The following NDE1 variants were observed in gnomAD, a reference collection of about 807,000 sequenced individuals.
The protein encoded by NDE1 is nudE neurodevelopment protein 1, also known as nuclear distribution protein nudE homolog 1.
NDE1 carries 28 observed loss-of-function variants against 43.4 expected under a neutral mutation model. The ratio of observed to expected loss-of-function variants is 0.65; its 90% CI spans 0.48 to 0.89. The LOEUF (loss-of-function observed/expected upper bound fraction) is 0.89, where lower values mean the gene tolerates loss of function less well. Ranked by LOEUF, NDE1 falls within the 40% of genes least tolerant of loss-of-function variation. The pLI is 0.00. For synonymous variants in NDE1, 184 were observed against 172.0 expected (o/e 1.07, Z -0.55); for missense variants, 441 against 434.1 (o/e 1.02, Z -0.14).
rs2038481495 is a variant in NDE1, at chr16:15,687,204, G to A, written c.387-171G>A. ...TGATGAGTCCCATTCTGCAGGTAAA[G>A]AGCCCATGCCCCAGAAGGTTAAGGG... is the stretch of plus-strand genomic sequence containing the variant. On this transcript the variant is annotated intron_variant, in intron 4 of 8. Coordinates refer to ENST00000396354, the MANE Select transcript of NDE1 (RefSeq NM_017668.3). The A allele has an allele frequency of 3.9e-6, 6 of 1,524,756 alleles. No individual in the cohort carries two copies. The Admixed American group carries it at 1.2e-4, about 30-fold the overall frequency. 94.5% of individuals were successfully genotyped at this position (1,524,756 alleles called of 1,614,324 possible). A position where few individuals can be genotyped will look rare whatever the true frequency, so the allele number is the denominator to read the frequency against.
chr16:15,696,889 G>A (rs763093862), intron 8 of NDE1, 29 bp downstream of exon 8: 2 of 1,609,698 alleles, frequency 1.2e-6, no homozygotes, highest in Non-Finnish European at 1.7e-6. Flanking sequence ...ACCTCTCGCT[G>A]GCGGGGAGAA....
At chr16:15,660,236 G>A (rs1200304028) in intron 1 of NDE1, among the ~76,000 whole-genome samples, 1 of 152,014 alleles carries the variant, frequency 6.6e-6, no homozygotes, top group African/African-American at 2.4e-5. Flanking sequence ...CTAGTGCTTT[G>A]GGAGTACAAG....
chr16:15,720,014 TCCAGAAAAACC>T, intron 8 of NDE1: 1 of 1,263,756 alleles, frequency 7.9e-7, no homozygotes, highest in Admixed American at 1.8e-5. Flanking sequence ...CCTGAATGGT[TCCAGAAAAACC>T]CCAGCTGAAC....
At chr16:15,668,110 T>C (rs1489817857) in intron 3 of NDE1, among the ~76,000 whole-genome samples, 1 of 151,972 alleles carries the variant, frequency 6.6e-6, no homozygotes, top group Non-Finnish European at 1.5e-5. Context: ...ATACCTGTAA[T>C]CCCAGCACTT....
intron 3 of NDE1, among the ~76,000 whole-genome samples, chr16:15,673,203 T>A (rs1470588939): frequency 6.6e-6 from 1 of 151,984 alleles, no homozygotes; most frequent in African/African-American, 2.4e-5. Flanking sequence ...AGGATGGGTG[T>A]TTTGTGTTTT....
intron 4 of NDE1, chr16:15,686,653 G>A: frequency 1.8e-6 from 1 of 557,836 alleles, no homozygotes; most frequent in Non-Finnish European, 2.3e-6. Flanking sequence ...ACTTCGGCCT[G>A]AGAGACACAG....
intron 8 of NDE1, among the ~76,000 whole-genome samples, chr16:15,710,356 A>G (rs2039710229): frequency 6.6e-6 from 1 of 152,072 alleles, no homozygotes; most frequent in South Asian, 2.1e-4. Flanking sequence ...CCTTGCCACT[A>G]CTAAAAATAC....
At chr16:15,680,151 C>T (rs1414138932) in intron 4 of NDE1, among the ~76,000 whole-genome samples, 1 of 152,160 alleles carries the variant, frequency 6.6e-6, no homozygotes, top group Admixed American at 6.6e-5. Flanking sequence ...GAGCTTACAG[C>T]CCAAATTCTG....
Position 15,674,449 on chromosome 16 carries a change from A to G in NDE1, c.238-3352A>G, listed in dbSNP as rs575456142. Among the ~76,000 whole-genome samples the G allele has an allele frequency of 3.1e-3, 478 of 151,860 alleles. 5 individuals are homozygous for G. Among genetic ancestry groups the G allele is most frequent in the African/African-American group, 0.011 (467 of 41,392 alleles). ...TTTTTGGTAGAGACGGGGTTTCACC[A>G]TGTTGTCCAGGCTGGTCTTGAACTC... On this transcript the variant is annotated intron_variant, in intron 3 of 8. Transcript: ENST00000396354.
intron 8 of NDE1, among the ~76,000 whole-genome samples, chr16:15,697,582 A>G (rs1208828219): frequency 6.6e-6 from 1 of 152,030 alleles, no homozygotes; most frequent in Non-Finnish European, 1.5e-5. Context: ...GCATGGTAGC[A>G]TGTGCCTATA....
At chr16:15,718,266 G>T in intron 8 of NDE1, 1 of 1,604,428 alleles carries the variant, frequency 6.2e-7, no homozygotes, top group Non-Finnish European at 8.5e-7. Flanking sequence ...GGATCCTGCT[G>T]CAGGAGAGAC....
At chr16:15,695,429 A>T in intron 7 of NDE1, 2 of 914,240 alleles carry the variant, frequency 2.2e-6, no homozygotes, top group Non-Finnish European at 2.6e-6. Context: ...AATTGTTTGA[A>T]TCCGGGAGGC....
intron 8 of NDE1, chr16:15,718,528 C>T: frequency 6.7e-7 from 1 of 1,489,942 alleles, no homozygotes. Flanking sequence ...GGGGTATTGC[C>T]CTCATCATCT....
chr16:15,653,210 C>G (rs2036590203), intron 1 of NDE1, among the ~76,000 whole-genome samples: 1 of 152,202 alleles, frequency 6.6e-6, no homozygotes, highest in Non-Finnish European at 1.5e-5. Flanking sequence ...GCATCGTTTT[C>G]CATTCAGTCC....
chr16:15,672,262 G>A (rs140932468), intron 3 of NDE1, among the ~76,000 whole-genome samples: 1,854 of 152,068 alleles, frequency 0.012, 45 homozygotes, highest in African/African-American at 0.043. Context: ...GTGAAACCCC[G>A]TCTCTACTAA....
chr16:15,722,959 G>A (rs1392076116), intron 8 of NDE1, among the ~76,000 whole-genome samples: 1 of 152,052 alleles, frequency 6.6e-6, no homozygotes, highest in Non-Finnish European at 1.5e-5. Flanking sequence ...GGCCAGGCTG[G>A]TCTCAAACCC....
Position 15,691,157 on chromosome 16 carries a change from A to G in NDE1, c.537A>G (p.Glu179=). Residue 179 remains glutamate (E), a synonymous_variant, in exon 6 of 9, where the codon GAA becomes GAG. Coordinates refer to ENST00000396354, the MANE Select transcript of NDE1 (RefSeq NM_017668.3). ...LKDEARDLRQ[E]LAVQQKQEKP... Reference sequence around the variant, plus strand: ...TTTCTGGCACAGATTTGCGGCAGGAACTGGCCGTGCAGCAGAAGCAGGAGA... The same window carrying G: ...TTTCTGGCACAGATTTGCGGCAGGAGCTGGCCGTGCAGCAGAAGCAGGAGA... The G allele has an allele frequency of 1.2e-6, 2 of 1,614,074 alleles. No individual in the cohort carries two copies. Among genetic ancestry groups the G allele is most frequent in the Non-Finnish European group, 1.7e-6 (2 of 1,180,018 alleles).
intron 6 of NDE1, among the ~76,000 whole-genome samples, chr16:15,691,811 T>C (rs1285227806): frequency 1.3e-5 from 2 of 151,704 alleles, no homozygotes; most frequent in Non-Finnish European, 2.9e-5. Flanking sequence ...GTATTTTAGG[T>C]GGAGACACAG....
chr16:15,652,247 C>T (rs2036540335), intron 1 of NDE1, among the ~76,000 whole-genome samples: 1 of 152,084 alleles, frequency 6.6e-6, no homozygotes, highest in South Asian at 2.1e-4. Flanking sequence ...GCTTTGTTGC[C>T]CAGGCTGGTC....
Sources: allele counts gnomAD v4.1 joint callset (sites outside exome capture counted in the v4.1 genomes callset), GRCh38; gene constraint gnomAD v4.1.1; transcripts MANE v1.5; gene names NCBI Gene and HGNC (gene_info 2026-07-23, HGNC 2026-07-21).